The following SNTG2 variants were observed in gnomAD, a reference collection of about 807,000 sequenced individuals.
SNTG2 encodes the protein syntrophin gamma 2, also known as gamma-2-syntrophin.
A neutral mutation model predicts 70.9 loss-of-function variants in SNTG2; 74 were observed. That is an observed-to-expected ratio of 1.04 (90% CI 0.86 to 1.27). The LOEUF is 1.27. Ranked by LOEUF, SNTG2 falls within the 50% of genes most tolerant of loss-of-function variation. SNTG2 has a pLI of 0.00. For synonymous variants in SNTG2, 278 were observed against 273.8 expected, an observed-to-expected ratio of 1.02 and a Z score of -0.15; for missense variants, 717 against 690.7, an observed-to-expected ratio of 1.04 and a Z score of -0.43.
At chr2:1,116,681 G>T (rs1265211954) in intron 4 of SNTG2, among the ~76,000 whole-genome samples, 5 of 148,976 alleles carry the variant, frequency 3.4e-5, no homozygotes, top group African/African-American at 1.2e-4. Flanking sequence ...CTGGCATGGG[G>T]GTGCTCTGGT....
At chr2:1,334,706 T>C (rs1659710408) in intron 16 of SNTG2, among the ~76,000 whole-genome samples, 1 of 152,034 alleles carries the variant, frequency 6.6e-6, no homozygotes, top group South Asian at 2.1e-4. Flanking sequence ...AAACCAAATA[T>C]CACGTTCTCA....
intron 16 of SNTG2, among the ~76,000 whole-genome samples, chr2:1,320,778 AATTATGTCAG>A (rs1484950415): frequency 1.3e-5 from 2 of 152,142 alleles, no homozygotes; most frequent in African/African-American, 4.8e-5. Flanking sequence ...TATTCATGCA[AATTATGTCAG>A]ATTATAGAGA....
At chr2:989,495 G>A (rs1000602555) in intron 1 of SNTG2, among the ~76,000 whole-genome samples, 5 of 152,130 alleles carry the variant, frequency 3.3e-5, no homozygotes, top group Admixed American at 3.3e-4. Context: ...AGTCTGATAT[G>A]GTGTATCACA....
At chr2:1,122,907 CA>C (rs1346894736) in intron 4 of SNTG2, among the ~76,000 whole-genome samples, 1 of 132,814 alleles carries the variant, frequency 7.5e-6, no homozygotes, top group African/African-American at 3.1e-5. Context: ...TTGTCATACA[CA>C]AATAATAGCT....
chr2:1,125,241 G>A (rs1311614441), intron 4 of SNTG2, among the ~76,000 whole-genome samples: 3 of 152,272 alleles, frequency 2.0e-5, no homozygotes, highest in East Asian at 1.9e-4. Flanking sequence ...CTGGCTGCTC[G>A]AGAGATTTCT....
At chr2:1,306,322 T>C (rs1216133891) in intron 14 of SNTG2, among the ~76,000 whole-genome samples, 1 of 152,026 alleles carries the variant, frequency 6.6e-6, no homozygotes, top group African/African-American at 2.4e-5. Flanking sequence ...GGCAGATGGG[T>C]CCTTCCAGCC....
intron 4 of SNTG2, among the ~76,000 whole-genome samples, chr2:1,114,972 T>C (rs1361231483): frequency 6.6e-6 from 1 of 152,138 alleles, no homozygotes; most frequent in Non-Finnish European, 1.5e-5. Context: ...AAGGATCGTG[T>C]GTATTAAGTG....
intron 4 of SNTG2, among the ~76,000 whole-genome samples, chr2:1,119,710 G>C (rs1667263199): frequency 6.6e-6 from 1 of 151,944 alleles, no homozygotes; most frequent in Non-Finnish European, 1.5e-5. Flanking sequence ...TCAAAGCTGA[G>C]CACCACAGAA....
At chr2:1,075,925 A>G (rs1663885736) in intron 1 of SNTG2, among the ~76,000 whole-genome samples, 1 of 152,198 alleles carries the variant, frequency 6.6e-6, no homozygotes, top group Non-Finnish European at 1.5e-5. Flanking sequence ...TGCGTGTCTG[A>G]ATAAAGTTGC....
intron 8 of SNTG2, among the ~76,000 whole-genome samples, chr2:1,200,021 T>G (rs1673178365): frequency 6.6e-6 from 1 of 151,894 alleles, no homozygotes; most frequent in East Asian, 1.9e-4. Flanking sequence ...ATAATTTTAT[T>G]AATTTGTATG....
At chr2:1,078,046 A>G (rs1257672672) in intron 1 of SNTG2, among the ~76,000 whole-genome samples, 1 of 152,184 alleles carries the variant, frequency 6.6e-6, no homozygotes, top group African/African-American at 2.4e-5. Context: ...ATTTCATTAA[A>G]CACATTGTTA....
At chr2:1,138,210 C>T (rs963658738) in intron 6 of SNTG2, among the ~76,000 whole-genome samples, 4 of 152,340 alleles carry the variant, frequency 2.6e-5, no homozygotes, top group East Asian at 3.9e-4. Flanking sequence ...AGGGCCTTCA[C>T]GCCTTTGCTC....
At chr2:1,352,705 A>C (rs1046444869) in intron 16 of SNTG2, among the ~76,000 whole-genome samples, 1 of 152,250 alleles carries the variant, frequency 6.6e-6, no homozygotes, top group Non-Finnish European at 1.5e-5. Context: ...CACTGGGCTA[A>C]GGATCAGATT....
At chr2:1,232,845 C>A (rs991034307) in intron 9 of SNTG2, among the ~76,000 whole-genome samples, 1 of 152,166 alleles carries the variant, frequency 6.6e-6, no homozygotes, top group Non-Finnish European at 1.5e-5. Flanking sequence ...CTCGAGTACT[C>A]GTAATTTTCA....
intron 2 of SNTG2, among the ~76,000 whole-genome samples, chr2:1,085,269 CAAAGT>C (rs1664610776): frequency 6.6e-6 from 1 of 151,980 alleles, no homozygotes; most frequent in Non-Finnish European, 1.5e-5. Context: ...TAGAAAATCT[CAAAGT>C]AAAAACACTA....
At chr2:1,318,928 A>G (rs1395641115) in intron 16 of SNTG2, among the ~76,000 whole-genome samples, 2 of 152,172 alleles carry the variant, frequency 1.3e-5, no homozygotes, top group East Asian at 3.9e-4. Flanking sequence ...CCCGGGGCTC[A>G]GGCTTCAGGA....
intron 16 of SNTG2, among the ~76,000 whole-genome samples, chr2:1,336,798 A>ATAT (rs1553281979): frequency 6.6e-6 from 1 of 151,928 alleles, no homozygotes; most frequent in Non-Finnish European, 1.5e-5. Context: ...TGGGGTCTCA[A>ATAT]TTCTGTTTTT....
chr2:1,359,795 C>T (rs4368375), intron 16 of SNTG2, among the ~76,000 whole-genome samples: 109,855 of 152,146 alleles, frequency 0.72, 39,952 homozygotes, highest in East Asian at 0.94. Flanking sequence ...AAACCCACTG[C>T]CATTTTTGGT....
intron 8 of SNTG2, among the ~76,000 whole-genome samples, chr2:1,174,687 A>G (rs973300700): frequency 6.6e-6 from 1 of 152,212 alleles, no homozygotes; most frequent in Non-Finnish European, 1.5e-5. Context: ...CAGCCTCTCC[A>G]GTGCTAGGTA....
Sources: allele counts gnomAD v4.1 joint callset (sites outside exome capture counted in the v4.1 genomes callset), GRCh38; gene constraint gnomAD v4.1.1; transcripts MANE v1.5; gene names NCBI Gene and HGNC (gene_info 2026-07-23, HGNC 2026-07-21).